MCOLN2: variants seen among roughly 807,000 people sequenced by gnomAD.
The protein encoded by MCOLN2 is mucolipin-2.
MCOLN2 carries 57 observed loss-of-function variants against 67.5 expected under a neutral mutation model. That is an observed-to-expected ratio of 0.84 (90% CI 0.68 to 1.05). The LOEUF (loss-of-function observed/expected upper bound fraction) is 1.05. MCOLN2 is among the 50% of genes least tolerant of loss of function. The pLI, the probability that MCOLN2 is intolerant of heterozygous loss-of-function variation, is 0.00. For missense variants in MCOLN2, 620 were observed against 678.8 expected (o/e 0.91, Z 0.96); for synonymous variants, 246 against 233.3 (o/e 1.05, Z -0.50).
chr1:84,937,594 C>T, intron 11 of MCOLN2, 161 bp downstream of exon 11: 1 of 1,407,122 alleles, frequency 7.1e-7, no homozygotes. Flanking sequence ...CTTCTATATC[C>T]TGAAAAGGAA....
chr1:84,974,166 T>G (rs1360451929), intron 1 of MCOLN2, among the ~76,000 whole-genome samples: 2 of 152,174 alleles, frequency 1.3e-5, no homozygotes, highest in Non-Finnish European at 2.9e-5. Context: ...ACTTCACCAC[T>G]GCAGGCTAAA....
chr1:84,951,645 T>A (rs1648475878), intron 6 of MCOLN2, among the ~76,000 whole-genome samples: 1 of 152,238 alleles, frequency 6.6e-6, no homozygotes, highest in South Asian at 2.1e-4. Context: ...ATAAACATTT[T>A]AAAAAATGTA....
chr1:84,987,636 G>A (rs12140006), intron 1 of MCOLN2, among the ~76,000 whole-genome samples: 2 of 136,386 alleles, frequency 1.5e-5, no homozygotes, highest in Admixed American at 1.5e-4. Context: ...ATGTATATAT[G>A]TATATAGAAA....
At position 84,931,441 on chromosome 1, in the gene MCOLN2, T is replaced by C. The variant is rs1661398114; in HGVS notation, c.1463A>G (p.Tyr488Cys). The C allele has an allele frequency of 6.2e-7, 1 of 1,609,858 alleles. No homozygotes were observed. Among genetic ancestry groups the C allele is most frequent in the Non-Finnish European group, 8.5e-7 (1 of 1,176,146 alleles). The change falls in exon 12 of 14, where the codon TAT (tyrosine) becomes TGT (cysteine). Residue 488 changes from tyrosine to cysteine, a missense_variant. Coordinates refer to ENST00000370608, the MANE Select transcript of MCOLN2 (RefSeq NM_153259.4). ...ATATATAAAAAGGCTGATGAAGGAA[T>C]ATAAATACAGACGACTGAACAGCCA... ...LVWLFSRLYL[Y>C]SFISLFIYMI...
At chr1:84,969,558 A>G (rs1557655145) in intron 1 of MCOLN2, among the ~76,000 whole-genome samples, 2 of 149,728 alleles carry the variant, frequency 1.3e-5, no homozygotes, top group Non-Finnish European at 3.0e-5. Flanking sequence ...ATGACAGAGT[A>G]AGACTCTGCC....
At chr1:84,980,220 A>G (rs1373153494) in intron 1 of MCOLN2, among the ~76,000 whole-genome samples, 2 of 152,202 alleles carry the variant, frequency 1.3e-5, no homozygotes, top group Admixed American at 1.3e-4. Flanking sequence ...AAGAATCAAT[A>G]GTGTTAAAAC....
At chr1:84,995,818 CTT>C (rs1386917025) in intron 1 of MCOLN2, among the ~76,000 whole-genome samples, 3 of 137,838 alleles carry the variant, frequency 2.2e-5, no homozygotes, top group Admixed American at 1.5e-4. Context: ...AAAAAAAACA[CTT>C]TTGATATGTT....
At chr1:84,977,320 AAAG>A (rs139108079) in intron 1 of MCOLN2, among the ~76,000 whole-genome samples, 1,560 of 151,336 alleles carry the variant, frequency 0.01, 29 homozygotes, top group African/African-American at 0.036. Flanking sequence ...GGAAGACAAG[AAAG>A]AAGGAGAGAA....
At chr1:84,961,094 C>A (rs1311001656) in intron 2 of MCOLN2, among the ~76,000 whole-genome samples, 1 of 152,142 alleles carries the variant, frequency 6.6e-6, no homozygotes, top group Non-Finnish European at 1.5e-5. Flanking sequence ...ACTGAATCAG[C>A]TGATGAATAT....
intron 6 of MCOLN2, among the ~76,000 whole-genome samples, chr1:84,948,382 C>T (rs879375900): frequency 6.6e-6 from 1 of 152,174 alleles, no homozygotes; most frequent in Non-Finnish European, 1.5e-5. Flanking sequence ...ACTGAGTCTG[C>T]CCAGAACCAA....
chr1:84,962,526 C>A (rs1649145547), intron 2 of MCOLN2, among the ~76,000 whole-genome samples: 1 of 152,100 alleles, frequency 6.6e-6, no homozygotes, highest in African/African-American at 2.4e-5. Flanking sequence ...CTGGGTGACA[C>A]AGAGAGACCT....
chr1:84,955,867 T>C (rs759064125), intron 4 of MCOLN2, among the ~76,000 whole-genome samples: 19 of 152,148 alleles, frequency 1.2e-4, no homozygotes, highest in Admixed American at 1.0e-3. Context: ...AATGAAACAT[T>C]ATTTTAAAAA....
At chr1:84,939,807 G>A in intron 8 of MCOLN2, 105 bp from the exon 9 acceptor site, 1 of 1,227,366 alleles carries the variant, frequency 8.1e-7, no homozygotes, top group African/African-American at 1.5e-5. Context: ...ACATGGCATT[G>A]CCTTTCCAAT....
Position 84,958,695 on chromosome 1 carries a change from C to A in MCOLN2, c.245G>T (p.Arg82Leu), listed in dbSNP as rs368881560. 56 of 1,570,562 alleles carry A rather than the reference C, an allele frequency of 3.6e-5. No individual in the cohort carries two copies. The highest frequency in any genetic ancestry group is 4.7e-5 in the Non-Finnish European group (55 of 1,164,614). ...CACCAGCTGGTTACTTAAACCAAAACGAACAAGCTAAAAAATAAAATAAAA... is the reference window on the plus strand; with the variant it reads ...CACCAGCTGGTTACTTAAACCAAAAAGAACAAGCTAAAAAATAAAATAAAA... ...KIVMVTTQLV[R>L]FGLSNQLVVA... Residue 82 changes from arginine to leucine, a missense_variant, in exon 3 of 14, where the codon CGT becomes CTT. Coordinates refer to ENST00000370608, the MANE Select transcript of MCOLN2 (RefSeq NM_153259.4).
chr1:84,985,389 G>A (rs530211288), intron 1 of MCOLN2, among the ~76,000 whole-genome samples: 32 of 152,276 alleles, frequency 2.1e-4, no homozygotes, highest in African/African-American at 6.3e-4. Context: ...GCACAGTATG[G>A]GTTCTTCTAG....
intron 11 of MCOLN2, 82 bp from the exon 12 acceptor site, chr1:84,931,650 A>T: frequency 1.7e-6 from 2 of 1,187,732 alleles, no homozygotes; most frequent in Admixed American, 3.7e-5. Context: ...TTTTGTTAAC[A>T]TTGTTTTTGT....
intron 1 of MCOLN2, among the ~76,000 whole-genome samples, chr1:84,993,149 GA>G (rs1000935581): frequency 6.6e-6 from 1 of 152,156 alleles, no homozygotes; most frequent in African/African-American, 2.4e-5. Context: ...TCTTCACCAA[GA>G]GTAGATTCCA....
chr1:84,929,474 T>A (rs1043907750), intron 13 of MCOLN2, 84 bp downstream of exon 13: 9 of 1,408,960 alleles, frequency 6.4e-6, no homozygotes, highest in Non-Finnish European at 8.6e-6. Flanking sequence ...GGTCTCTGAA[T>A]GTAATGGTAA....
rs1337626656 is a variant in MCOLN2 at position 84,956,586 on chromosome 1, T to C, written c.412-2A>G. 1.3e-6 allele frequency: 2 copies of C among 1,571,492 alleles called. No homozygotes were observed. The highest frequency in any genetic ancestry group is 1.7e-6 in the Non-Finnish European group (2 of 1,166,266). On this transcript the variant is annotated splice_acceptor_variant, in intron 3 of 13. Coordinates refer to ENST00000370608, the MANE Select transcript of MCOLN2 (RefSeq NM_153259.4). LOFTEE classifies it high-confidence loss of function. ...GGTAATGTCCTTTAGCTGATGATAC[T>C]ATTAAAAAATAGTCAAGTAAAAACC... is the stretch of plus-strand genomic sequence containing the variant.
Sources: allele counts gnomAD v4.1 joint callset (sites outside exome capture counted in the v4.1 genomes callset), GRCh38; gene constraint gnomAD v4.1.1; transcripts MANE v1.5; gene names NCBI Gene and HGNC (gene_info 2026-07-23, HGNC 2026-07-21).